B3GLCT: variants seen among roughly 807,000 people sequenced by gnomAD.
B3GLCT encodes the protein beta-1,3-glucosyltransferase.
In B3GLCT, 65 loss-of-function variants were observed where a neutral mutation model predicts 63.4. The ratio of observed to expected loss-of-function variants is 1.03; its 90% CI spans 0.84 to 1.26. B3GLCT has a LOEUF of 1.26. Ranked by LOEUF, B3GLCT falls within the 50% of genes most tolerant of loss-of-function variation. The pLI, the probability that B3GLCT is intolerant of heterozygous loss-of-function variation, is 0.00. For missense variants in B3GLCT, 577 were observed against 604.8 expected (o/e 0.95, Z 0.48); for synonymous variants, 233 against 219.2 (o/e 1.06, Z -0.55).
In B3GLCT at chr13:31,330,760, A is replaced by G. The variant is rs1217343074; in HGVS notation, c.*1092A>G. The G allele has an allele frequency of 2.0e-5, 3 of 152,056 alleles. No homozygotes were observed. Among genetic ancestry groups the G allele is most frequent in the Admixed American group, 6.6e-5 (1 of 15,266 alleles). The allele number at this position is 152,056 out of a possible 1,614,324, so 9.4% of individuals were successfully genotyped here. A position where few individuals can be genotyped will look rare whatever the true frequency, so the allele number is the denominator to read the frequency against. Reference sequence around the variant, plus strand: ...AATGTATAAAAAGCACTCTAATTATATAATTCAGTTTTTGTAAAGGTATTT... The same window carrying G: ...AATGTATAAAAAGCACTCTAATTATGTAATTCAGTTTTTGTAAAGGTATTT... On this transcript the variant is annotated 3_prime_UTR_variant, in exon 15 of 15. Coordinates refer to ENST00000343307, the MANE Select transcript of B3GLCT (RefSeq NM_194318.4).
chr13:31,257,575 G>C lies in B3GLCT; in HGVS notation c.460-3371G>C, dbSNP rs574080491. 8.5e-5 allele frequency among the ~76,000 whole-genome samples: 13 copies of C among 152,108 alleles called. No homozygotes were observed. The East Asian group carries it at 2.5e-3, about 29-fold the overall frequency. ...TGTCACATATGTTCAGTTATGACCT[G>C]TTGCTGAATTGAGGAAAAGTAGGAC... On this transcript the variant is annotated intron_variant, in intron 6 of 14. Coordinates refer to ENST00000343307, the MANE Select transcript of B3GLCT (RefSeq NM_194318.4).
intron 6 of B3GLCT, among the ~76,000 whole-genome samples, chr13:31,250,865 A>C (rs1327970516): frequency 6.6e-6 from 1 of 152,206 alleles, no homozygotes; most frequent in Non-Finnish European, 1.5e-5. Flanking sequence ...AGCTCTGATA[A>C]GGGACAGCCT....
At chr13:31,210,304 A>C (rs773105916) in intron 1 of B3GLCT, among the ~76,000 whole-genome samples, 1 of 152,252 alleles carries the variant, frequency 6.6e-6, no homozygotes, top group East Asian at 1.9e-4. Context: ...ATGTAAAAGC[A>C]TGATTTACCC....
At chr13:31,231,525 A>G (rs1016103750) in intron 4 of B3GLCT, among the ~76,000 whole-genome samples, 3 of 152,158 alleles carry the variant, frequency 2.0e-5, no homozygotes, top group African/African-American at 7.2e-5. Context: ...TTGATTGCAT[A>G]TGCCCCTATA....
intron 14 of B3GLCT, among the ~76,000 whole-genome samples, chr13:31,326,565 G>A (rs1875637425): frequency 6.6e-6 from 1 of 152,072 alleles, no homozygotes; most frequent in South Asian, 2.1e-4. Context: ...ACAGGCCTGA[G>A]CCACCACACC....
intron 10 of B3GLCT, among the ~76,000 whole-genome samples, chr13:31,283,875 C>G (rs1873189034): frequency 6.6e-6 from 1 of 152,186 alleles, no homozygotes; most frequent in South Asian, 2.1e-4. Context: ...ATTGAAAAAA[C>G]AAGAAACCAC....
chr13:31,222,074 A>ATTTTTTTTTTTTT (rs5802597), intron 2 of B3GLCT, among the ~76,000 whole-genome samples: 1 of 92,950 alleles, frequency 1.1e-5, no homozygotes, highest in Non-Finnish European at 2.2e-5. Context: ...TGTGCTCCTG[A>ATTTTTTTTTTTTT]TTTTTTTTTT....
At chr13:31,224,581 G>A (rs1413442152) in intron 3 of B3GLCT, among the ~76,000 whole-genome samples, 1 of 152,142 alleles carries the variant, frequency 6.6e-6, no homozygotes, top group South Asian at 2.1e-4. Context: ...GGCACCGAGA[G>A]CATGGCTCAC....
At chr13:31,200,620 C>G (rs1430786754) in intron 1 of B3GLCT, among the ~76,000 whole-genome samples, 2 of 151,690 alleles carry the variant, frequency 1.3e-5, no homozygotes, top group Non-Finnish European at 2.9e-5. Flanking sequence ...GGGCGGGAGG[C>G]TGGACGGGAG....
intron 14 of B3GLCT, 152 bp downstream of exon 14, chr13:31,324,047 A>G (rs1875480239): frequency 1.9e-6 from 2 of 1,068,268 alleles, no homozygotes; most frequent in Non-Finnish European, 2.9e-6. Flanking sequence ...CAGGACTGTT[A>G]CCCTGTTTGA....
At chr13:31,264,952 C>G (rs1872217217) in intron 7 of B3GLCT, among the ~76,000 whole-genome samples, 1 of 152,106 alleles carries the variant, frequency 6.6e-6, no homozygotes, top group Admixed American at 6.5e-5. Context: ...CATTGAGGAC[C>G]CACACTTTCT....
intron 12 of B3GLCT, among the ~76,000 whole-genome samples, chr13:31,287,196 C>A (rs932913514): frequency 2.0e-5 from 3 of 152,072 alleles, no homozygotes; most frequent in African/African-American, 7.2e-5. Context: ...GTTTGCAGGA[C>A]AGAGTACCAG....
chr13:31,266,656 T>A (rs980517994), intron 7 of B3GLCT, among the ~76,000 whole-genome samples: 2 of 152,212 alleles, frequency 1.3e-5, no homozygotes, highest in African/African-American at 4.8e-5. Context: ...CCACTAGAAG[T>A]CTGTGATATT....
At chr13:31,242,776 T>C (rs975211017) in intron 4 of B3GLCT, among the ~76,000 whole-genome samples, 20 of 152,210 alleles carry the variant, frequency 1.3e-4, no homozygotes, top group African/African-American at 4.8e-4. Flanking sequence ...TTCATAAAAA[T>C]AAAAATTTCT....
intron 12 of B3GLCT, among the ~76,000 whole-genome samples, chr13:31,297,582 T>A (rs768222402): frequency 2.6e-5 from 4 of 151,964 alleles, no homozygotes; most frequent in Non-Finnish European, 5.9e-5. Flanking sequence ...ATCAATCAGT[T>A]CTGCAGTGGA....
At chr13:31,276,858 T>TAAC in intron 10 of B3GLCT, 87 bp downstream of exon 10, 1 of 955,030 alleles carries the variant, frequency 1.0e-6, no homozygotes, top group Non-Finnish European at 1.7e-6. Flanking sequence ...GAGTGTAAAT[T>TAAC]CAGAAAAGGG....
In B3GLCT at chr13:31,275,617, A is replaced by G. The variant is rs373116663; in HGVS notation, c.780+989A>G. Among the ~76,000 whole-genome samples the G allele has an allele frequency of 3.3e-5, 5 of 152,312 alleles. No homozygotes were observed. In the East Asian group the frequency reaches 7.7e-4, roughly 24 times the overall value. ...TCAGAATGAATTCACTTGTTTTGGC[A>G]GACCCAAGGTCCAGCCCCAGTATGA... On this transcript the variant is annotated intron_variant, in intron 9 of 14. Coordinates refer to ENST00000343307, the MANE Select transcript of B3GLCT (RefSeq NM_194318.4).
intron 3 of B3GLCT, among the ~76,000 whole-genome samples, chr13:31,226,421 A>G (rs1273076999): frequency 6.6e-6 from 1 of 152,204 alleles, no homozygotes; most frequent in Non-Finnish European, 1.5e-5. Context: ...GGACAGATAC[A>G]ACTCACAGGA....
intron 4 of B3GLCT, among the ~76,000 whole-genome samples, chr13:31,238,961 G>A (rs1003587206): frequency 1.3e-5 from 2 of 152,224 alleles, no homozygotes; most frequent in Non-Finnish European, 2.9e-5. Context: ...TGCATGTGAA[G>A]CCTGAGAGGA....
Sources: allele counts gnomAD v4.1 joint callset (sites outside exome capture counted in the v4.1 genomes callset), GRCh38; gene constraint gnomAD v4.1.1; transcripts MANE v1.5; gene names NCBI Gene and HGNC (gene_info 2026-07-23, HGNC 2026-07-21).